Variants in DRD3 observed in about 807,000 individuals in gnomAD.
DRD3 encodes the protein D(3) dopamine receptor.
In DRD3, 19 loss-of-function variants were observed where a neutral mutation model predicts 36.3. The ratio of observed to expected loss-of-function variants is 0.52; its 90% CI spans 0.36 to 0.77. DRD3 has a LOEUF of 0.77. DRD3 is among the 30% of genes least tolerant of loss of function. The probability of loss-of-function intolerance (pLI) is 0.00; values close to 1 mark genes in which losing one functional copy is unlikely to be tolerated. For missense variants in DRD3, 465 were observed against 505.3 expected (o/e 0.92, Z 0.77); for synonymous variants, 195 against 203.7 (o/e 0.96, Z 0.36).
chr3:114,189,625 C>T (rs916547404), intron 1 of DRD3, among the ~76,000 whole-genome samples: 1 of 152,154 alleles, frequency 6.6e-6, no homozygotes, highest in East Asian at 1.9e-4. Flanking sequence ...TTATGTTTAG[C>T]CAGCCTATTT....
intron 2 of DRD3, among the ~76,000 whole-genome samples, chr3:114,162,411 ACCAACAGG>A (rs560319270): frequency 1.3e-5 from 2 of 152,198 alleles, no homozygotes; most frequent in Non-Finnish European, 2.9e-5. Context: ...CTTAACCAAC[ACCAACAGG>A]AGCAGGAAGA....
intron 3 of DRD3, among the ~76,000 whole-genome samples, chr3:114,158,758 A>C (rs929365996): frequency 3.9e-5 from 6 of 152,244 alleles, no homozygotes; most frequent in Non-Finnish European, 7.3e-5. Context: ...CAATGTGATA[A>C]ATTCTCAATA....
intron 1 of DRD3, among the ~76,000 whole-genome samples, chr3:114,189,075 G>A (rs2077990020): frequency 6.6e-6 from 1 of 152,134 alleles, no homozygotes; most frequent in Non-Finnish European, 1.5e-5. Flanking sequence ...TAATTTTATA[G>A]TCTATCTTTA....
chr3:114,155,234 T>A (rs371345239), intron 3 of DRD3, among the ~76,000 whole-genome samples: 1 of 152,318 alleles, frequency 6.6e-6, no homozygotes, highest in East Asian at 1.9e-4. Context: ...ATGAACAGAA[T>A]GTAATGCAAA....
At chr3:114,181,287 A>C (rs141187271), upstream of DRD3, among the ~76,000 whole-genome samples, 6 of 152,208 alleles carry the variant, frequency 3.9e-5, no homozygotes, top group African/African-American at 7.2e-5. Context: ...CTCTGTTCTG[A>C]CTTAGCTGTC....
At chr3:114,149,257 C>G (rs925909293) in intron 3 of DRD3, among the ~76,000 whole-genome samples, 3 of 152,186 alleles carry the variant, frequency 2.0e-5, no homozygotes, top group Admixed American at 1.3e-4. Flanking sequence ...AAAACTAACA[C>G]AGAGTGAGCA....
chr3:114,130,211 A>G (rs1331094224), intron 6 of DRD3, among the ~76,000 whole-genome samples: 1 of 152,130 alleles, frequency 6.6e-6, no homozygotes, highest in African/African-American at 2.4e-5. Flanking sequence ...GTGAGCTATG[A>G]TTGTGCCACT....
intron 6 of DRD3, 60 bp from the exon 7 acceptor site, chr3:114,128,972 C>T: frequency 6.8e-7 from 1 of 1,463,922 alleles, no homozygotes; most frequent in Non-Finnish European, 9.1e-7. Context: ...TTTGTTATAA[C>T]ATGAGAATGA....
chr3:114,142,817 C>G (rs1484894220), intron 4 of DRD3, among the ~76,000 whole-genome samples: 1 of 152,232 alleles, frequency 6.6e-6, no homozygotes, highest in Admixed American at 6.5e-5. Flanking sequence ...ATCACAGAAC[C>G]TGCATTGCCA....
intron 3 of DRD3, among the ~76,000 whole-genome samples, chr3:114,153,938 C>T (rs915608803): frequency 2.6e-5 from 4 of 152,162 alleles, no homozygotes; most frequent in Admixed American, 2.6e-4. Flanking sequence ...TAAATGTTAA[C>T]TATTTTTATT....
At chr3:114,159,000 C>T (rs2077707478) in intron 3 of DRD3, among the ~76,000 whole-genome samples, 1 of 151,800 alleles carries the variant, frequency 6.6e-6, no homozygotes, top group African/African-American at 2.4e-5. Context: ...ATCTCAGGCT[C>T]AGGCAGAGGA....
chr3:114,141,925 T>C (rs1035733918), intron 4 of DRD3, among the ~76,000 whole-genome samples: 1 of 151,748 alleles, frequency 6.6e-6, no homozygotes, highest in African/African-American at 2.4e-5. Context: ...AGCACACACC[T>C]GTAATCCCAG....
chr3:114,149,899 T>C (rs1265331736), intron 3 of DRD3, among the ~76,000 whole-genome samples: 2 of 152,098 alleles, frequency 1.3e-5, no homozygotes, highest in Non-Finnish European at 2.9e-5. Context: ...AGGCTCCAGA[T>C]GAGAACACAA....
At chr3:114,182,581 T>C (rs1409145644), upstream of DRD3, among the ~76,000 whole-genome samples, 1 of 152,152 alleles carries the variant, frequency 6.6e-6, no homozygotes, top group African/African-American at 2.4e-5. Context: ...TGTTTTTTAC[T>C]ACCCTCCATC....
chr3:114,176,729 C>T (rs964205435), intron 1 of DRD3, among the ~76,000 whole-genome samples: 4 of 152,198 alleles, frequency 2.6e-5, no homozygotes, highest in Non-Finnish European at 1.5e-5. Context: ...AGATCTCTGG[C>T]TGTTGCTACA....
chr3:114,159,771 C>A lies in DRD3; in HGVS notation c.367G>T (p.Ala123Ser). The A allele has an allele frequency of 6.2e-7, 1 of 1,614,034 alleles. No homozygotes were observed. The highest frequency in any genetic ancestry group is 8.5e-7 in the Non-Finnish European group (1 of 1,179,956). The change falls in exon 3 of 7, where the codon GCC becomes TCC. Residue 123 changes from alanine (A) to serine (S), a missense_variant. By Grantham distance (99) the Ala-to-Ser change is moderately conservative. Coordinates refer to ENST00000383673, the MANE Select transcript of DRD3 (RefSeq NM_000796.6). ...CAGCCCTACCTGTCTATGCTGATGG[C>A]ACAGAGATTAAGGATGCTGGCTGTA... Reference protein sequence around the residue: ...MCTASILNLCAISIDRYTAVV... With the variant: ...MCTASILNLCSISIDRYTAVV...
intron 1 of DRD3, among the ~76,000 whole-genome samples, chr3:114,193,045 C>T (rs867876564): frequency 6.6e-5 from 10 of 152,082 alleles, no homozygotes; most frequent in South Asian, 6.2e-4. Flanking sequence ...TTTGGGAGGC[C>T]GAGGCGGGTA....
chr3:114,162,630 T>C (rs1167220112), intron 2 of DRD3, among the ~76,000 whole-genome samples: 1 of 152,248 alleles, frequency 6.6e-6, no homozygotes. Flanking sequence ...TGACAGAGGA[T>C]TATTATCTTC....
chr3:114,192,561 T>G (rs1160231400), intron 1 of DRD3, among the ~76,000 whole-genome samples: 2 of 152,152 alleles, frequency 1.3e-5, no homozygotes, highest in Non-Finnish European at 2.9e-5. Flanking sequence ...TTGTTCTCTG[T>G]CTTTTTCTTT....
Sources: gnomAD v4.1 joint callset for allele counts (sites outside exome capture counted in the v4.1 genomes callset) on GRCh38, gnomAD v4.1.1 for gene constraint, MANE v1.5 for transcripts, NCBI Gene and HGNC (gene_info 2026-07-23, HGNC 2026-07-21) for gene names.